Variants in PRCP observed in about 807,000 individuals in gnomAD.
PRCP encodes the protein lysosomal Pro-X carboxypeptidase.
In PRCP, 46 loss-of-function variants were observed where a neutral mutation model predicts 54.2. That is an observed-to-expected ratio of 0.85 (90% CI 0.67 to 1.09). The LOEUF (loss-of-function observed/expected upper bound fraction) is 1.09, where lower values mean the gene tolerates loss of function less well. PRCP is among the 50% of genes least tolerant of loss of function. The pLI is 0.00. For synonymous variants in PRCP, 240 were observed against 212.2 expected (o/e 1.13, Z -1.14); for missense variants, 613 against 596.8 (o/e 1.03, Z -0.28).
intron 6 of PRCP, among the ~76,000 whole-genome samples, chr11:82,846,438 AG>A (rs1468361770): frequency 6.6e-6 from 1 of 151,980 alleles, no homozygotes; most frequent in Non-Finnish European, 1.5e-5. Flanking sequence ...TTTCTCAAGC[AG>A]GGGGCAAGAG....
intron 8 of PRCP, among the ~76,000 whole-genome samples, chr11:82,837,967 T>C (rs1484012496): frequency 6.6e-6 from 1 of 152,202 alleles, no homozygotes; most frequent in Non-Finnish European, 1.5e-5. Context: ...AGGGTTGTTG[T>C]GAGGATTTAA....
At chr11:82,900,695 C>T (rs749495069), upstream of PRCP, 1 of 577,656 alleles carries the variant, frequency 1.7e-6, no homozygotes, top group South Asian at 1.5e-5. Context: ...CATGCTAGGG[C>T]CTCTTCCTAA....
At chr11:82,889,176 A>G (rs528712650) in intron 1 of PRCP, among the ~76,000 whole-genome samples, 61 of 152,152 alleles carry the variant, frequency 4.0e-4, no homozygotes, top group African/African-American at 1.4e-3. Context: ...CCTGGGCAAC[A>G]TAGCAAGACC....
At chr11:82,869,744 A>G (rs560163307) in intron 1 of PRCP, among the ~76,000 whole-genome samples, 1 of 152,366 alleles carries the variant, frequency 6.6e-6, no homozygotes, top group East Asian at 1.9e-4. Context: ...GAGAATGGAA[A>G]GCAAAGTTCC....
chr11:82,852,359 AC>A (rs1858977961), intron 3 of PRCP, among the ~76,000 whole-genome samples: 1 of 152,210 alleles, frequency 6.6e-6, no homozygotes, highest in South Asian at 2.1e-4. Context: ...CTAGTAAAGG[AC>A]TGGCCCCAAG....
upstream of PRCP, chr11:82,900,508 G>C (rs1860254722): frequency 4.1e-6 from 6 of 1,447,176 alleles, no homozygotes; most frequent in Non-Finnish European, 5.6e-6. Context: ...CCGCAAAACA[G>C]CTCCTCCCAG....
At chr11:82,855,026 A>G (rs981748322) in intron 2 of PRCP, among the ~76,000 whole-genome samples, 1 of 152,170 alleles carries the variant, frequency 6.6e-6, no homozygotes, top group Non-Finnish European at 1.5e-5. Context: ...TCAACTCAAA[A>G]TGGATAAAAG....
intron 1 of PRCP, among the ~76,000 whole-genome samples, chr11:82,877,548 T>G (rs1383592686): frequency 6.6e-6 from 1 of 152,156 alleles, no homozygotes; most frequent in Non-Finnish European, 1.5e-5. Flanking sequence ...CATCCATGGC[T>G]TAAAGGGGCC....
chr11:82,859,240 T>C (rs1025803689), intron 2 of PRCP, among the ~76,000 whole-genome samples: 1 of 152,194 alleles, frequency 6.6e-6, no homozygotes, highest in Non-Finnish European at 1.5e-5. Flanking sequence ...TGATAGAAAA[T>C]ATAGTCAGGG....
chr11:82,851,125 C>A (rs1035576363), intron 3 of PRCP, among the ~76,000 whole-genome samples: 2 of 152,184 alleles, frequency 1.3e-5, no homozygotes, highest in African/African-American at 2.4e-5. Flanking sequence ...CTGCTCTCTA[C>A]ATGAAGACAA....
At chr11:82,895,518 CCT>C (rs769583725) in intron 1 of PRCP, among the ~76,000 whole-genome samples, 14 of 151,998 alleles carry the variant, frequency 9.2e-5, no homozygotes, top group Non-Finnish European at 1.8e-4. Context: ...AGTTTCTGAC[CCT>C]CTATAATTTA....
intron 1 of PRCP, 35 bp downstream of exon 1, chr11:82,900,200 G>A: frequency 6.2e-7 from 1 of 1,609,526 alleles, no homozygotes. Context: ...CCCGGCGGTT[G>A]GGCCTGGGAC....
At chr11:82,866,488 T>C (rs1167362661) in intron 1 of PRCP, among the ~76,000 whole-genome samples, 1 of 152,184 alleles carries the variant, frequency 6.6e-6, no homozygotes, top group Non-Finnish European at 1.5e-5. Flanking sequence ...CCCTGACTCC[T>C]ATGCTTTTTT....
chr11:82,882,587 C>T (rs1298233006), intron 1 of PRCP, among the ~76,000 whole-genome samples: 1 of 147,330 alleles, frequency 6.8e-6, no homozygotes, highest in Non-Finnish European at 1.5e-5. Flanking sequence ...GCTCCGCCTC[C>T]CGGGTTCACG....
At chr11:82,841,504 T>G (rs1210711351) in intron 6 of PRCP, among the ~76,000 whole-genome samples, 1 of 152,194 alleles carries the variant, frequency 6.6e-6, no homozygotes, top group Non-Finnish European at 1.5e-5. Context: ...ACCTTTAACA[T>G]GCTCAAATGT....
chr11:82,843,465 A>T (rs932871371), intron 6 of PRCP, among the ~76,000 whole-genome samples: 56 of 152,374 alleles, frequency 3.7e-4, no homozygotes, highest in African/African-American at 1.2e-3. Context: ...TTTTGTCTTA[A>T]CCTCATATAA....
intron 6 of PRCP, chr11:82,846,062 G>A (rs932677075): frequency 6.6e-6 from 1 of 152,176 alleles, no homozygotes; most frequent in African/African-American, 2.4e-5. Flanking sequence ...GACAGAATTG[G>A]AAATCACCTG....
chr11:82,875,735 G>A (rs1161165794), intron 1 of PRCP, among the ~76,000 whole-genome samples: 1 of 152,128 alleles, frequency 6.6e-6, no homozygotes, highest in South Asian at 2.1e-4. Context: ...GTGAGAACAG[G>A]GTGATTGTTA....
intron 6 of PRCP, among the ~76,000 whole-genome samples, chr11:82,841,268 GA>G (rs35181078): frequency 5.7e-4 from 80 of 141,090 alleles, no homozygotes; most frequent in Non-Finnish European, 6.8e-4. Context: ...GCCAGCGGGG[GA>G]AAAAAAAAAA....
Sources: allele counts gnomAD v4.1 joint callset (sites outside exome capture counted in the v4.1 genomes callset), GRCh38; gene constraint gnomAD v4.1.1; transcripts MANE v1.5; gene names NCBI Gene and HGNC (gene_info 2026-07-23, HGNC 2026-07-21).